ADGRB3: variants seen among roughly 807,000 people sequenced by gnomAD.
The protein encoded by ADGRB3 is brain-specific angiogenesis inhibitor 3.
Under a neutral mutation model 193.4 loss-of-function variants are expected in ADGRB3, and 37 were observed. The ratio of observed to expected loss-of-function variants is 0.19; its 90% CI spans 0.15 to 0.25. ADGRB3 has a LOEUF of 0.25. Among genes scored for constraint, ADGRB3 ranks in the 10% least tolerant of loss-of-function variants. The pLI is 1.00. For missense variants in ADGRB3, 1,637 were observed against 1,852.9 expected (o/e 0.88, Z 2.14); for synonymous variants, 690 against 644.2 (o/e 1.07, Z -1.08).
At chr6:69,358,867 C>T (rs1011676844) in intron 28 of ADGRB3, among the ~76,000 whole-genome samples, 3 of 151,772 alleles carry the variant, frequency 2.0e-5, no homozygotes, top group East Asian at 3.9e-4. Flanking sequence ...GCATTTCTCT[C>T]GTATAGAGCA....
intron 24 of ADGRB3, among the ~76,000 whole-genome samples, chr6:69,333,674 G>A (rs1356732440): frequency 4.6e-5 from 7 of 150,864 alleles, no homozygotes; most frequent in Non-Finnish European, 1.5e-5. Flanking sequence ...ATCTGGCCGG[G>A]CACGGTGGCT....
chr6:68,854,843 C>T (rs994023332), intron 3 of ADGRB3, among the ~76,000 whole-genome samples: 4 of 152,214 alleles, frequency 2.6e-5, no homozygotes, highest in African/African-American at 9.6e-5. Flanking sequence ...TGGACCCCAG[C>T]TGCAGACTTC....
At chr6:69,230,039 T>TC (rs1766099321) in intron 17 of ADGRB3, among the ~76,000 whole-genome samples, 3 of 152,086 alleles carry the variant, frequency 2.0e-5, no homozygotes, top group South Asian at 4.1e-4. Context: ...CTAACATGGG[T>TC]GAATGTAGGT....
chr6:69,376,082 CTTTTTTTTTTTTTTT>C (rs58780409), intron 30 of ADGRB3, among the ~76,000 whole-genome samples: 7 of 67,384 alleles, frequency 1.0e-4, no homozygotes, highest in South Asian at 6.2e-4. Flanking sequence ...ATTATGTAGC[CTTTTTTTTTTTTTTT>C]TTTTTTTTTT....
chr6:68,917,713 A>G (rs150025035), intron 3 of ADGRB3, among the ~76,000 whole-genome samples: 86 of 152,214 alleles, frequency 5.6e-4, no homozygotes, highest in African/African-American at 1.9e-3. Flanking sequence ...TTTTGAAACA[A>G]TCTTCACTCT....
chr6:69,360,957 G>C lies in ADGRB3; in HGVS notation c.3684G>C (p.Lys1228Asn), dbSNP rs1216050242. ...RISLNDDEEE[K>N]GTNPEGLSYS... ...CTCTAAATGATGATGAAGAAGAAAAGGGAACAAACCCTGAAGGGCTAAGCT... is the reference window on the plus strand; with the variant it reads ...CTCTAAATGATGATGAAGAAGAAAACGGAACAAACCCTGAAGGGCTAAGCT... The change falls in exon 29 of 32, where the codon AAG becomes AAC. Residue 1228 changes from lysine (K) to asparagine (N), a missense_variant. Transcript: ENST00000370598. 6.2e-7 allele frequency: 1 copy of C among 1,612,446 alleles called. No individual in the cohort carries two copies. Among genetic ancestry groups the C allele is most frequent in the Non-Finnish European group, 8.5e-7 (1 of 1,179,088 alleles).
chr6:68,913,020 C>T (rs2150238269), intron 3 of ADGRB3, among the ~76,000 whole-genome samples: 1 of 152,324 alleles, frequency 6.6e-6, no homozygotes, highest in Non-Finnish European at 1.5e-5. Context: ...GGGGCACCTG[C>T]CATTGCCCAG....
At chr6:69,375,367 TC>T (rs1226760611) in intron 30 of ADGRB3, among the ~76,000 whole-genome samples, 1 of 152,034 alleles carries the variant, frequency 6.6e-6, no homozygotes, top group Non-Finnish European at 1.5e-5. Flanking sequence ...AAAGTCCACT[TC>T]CTGGAGGTGG....
intron 3 of ADGRB3, among the ~76,000 whole-genome samples, chr6:68,715,337 G>A (rs1181080206): frequency 6.6e-6 from 1 of 151,536 alleles, no homozygotes; most frequent in Non-Finnish European, 1.5e-5. Context: ...AGGGGCTTGT[G>A]AAGAAGGTTT....
intron 3 of ADGRB3, among the ~76,000 whole-genome samples, chr6:68,721,897 G>A (rs866406879): frequency 6.0e-5 from 9 of 151,028 alleles, no homozygotes; most frequent in African/African-American, 1.5e-4. Context: ...TGTGGATTAA[G>A]CATCTTTTTA....
At chr6:68,843,048 C>CAAAA (rs746757153) in intron 3 of ADGRB3, among the ~76,000 whole-genome samples, 1 of 88,110 alleles carries the variant, frequency 1.1e-5, no homozygotes, top group Admixed American at 1.1e-4. Flanking sequence ...CCATATACAA[C>CAAAA]AACAAAAAAA....
rs577817999 is a variant in ADGRB3 at position 68,774,425 on chromosome 6, A to G, written c.757+134993A>G. ...ATGAAATTCCTAAAGTTTTCACGGT[A>G]TTTTCTAATAATGGTCTTCTTGGAG... On this transcript the variant is annotated intron_variant, in intron 3 of 31. Transcript: ENST00000370598. 9.4e-5 allele frequency among the ~76,000 whole-genome samples: 12 copies of G among 128,312 alleles called. No individual in the cohort carries two copies. The South Asian group carries it at 2.7e-3, about 29-fold the overall frequency. 84.2% of individuals were successfully genotyped at this position (128,312 alleles called of 152,430 possible).
intron 17 of ADGRB3, among the ~76,000 whole-genome samples, chr6:69,193,084 A>G (rs1392319442): frequency 6.6e-6 from 1 of 151,970 alleles, no homozygotes; most frequent in Non-Finnish European, 1.5e-5. Flanking sequence ...TTTTGCTTTT[A>G]AATCAAGGTT....
At chr6:69,064,673 T>C (rs1582433912) in intron 16 of ADGRB3, among the ~76,000 whole-genome samples, 2 of 152,218 alleles carry the variant, frequency 1.3e-5, no homozygotes, top group African/African-American at 2.4e-5. Context: ...GATTATAGAA[T>C]TACTGAAGAA....
At chr6:69,354,710 G>A (rs1769300327) in intron 27 of ADGRB3, among the ~76,000 whole-genome samples, 1 of 152,192 alleles carries the variant, frequency 6.6e-6, no homozygotes, top group African/African-American at 2.4e-5. Flanking sequence ...GGAATCATCA[G>A]GGGAGCTACA....
chr6:68,678,949 T>C (rs1211491800), intron 3 of ADGRB3, among the ~76,000 whole-genome samples: 4 of 152,210 alleles, frequency 2.6e-5, no homozygotes, highest in Non-Finnish European at 5.9e-5. Flanking sequence ...TTACCTGACA[T>C]GTTTTGAAGT....
intron 17 of ADGRB3, among the ~76,000 whole-genome samples, chr6:69,083,893 G>A (rs938030081): frequency 6.6e-6 from 1 of 150,694 alleles, no homozygotes; most frequent in Non-Finnish European, 1.5e-5. Context: ...TCCTGCCTCA[G>A]CCTCCTGATT....
chr6:68,790,284 A>AGTTAGTT (rs534191291), intron 3 of ADGRB3, among the ~76,000 whole-genome samples: 65 of 152,220 alleles, frequency 4.3e-4, no homozygotes, highest in African/African-American at 1.5e-3. Flanking sequence ...GCCATTGTTG[A>AGTTAGTT]GTTAGTTGTT....
intron 3 of ADGRB3, among the ~76,000 whole-genome samples, chr6:68,692,622 A>T (rs973422449): frequency 1.1e-4 from 17 of 151,882 alleles, no homozygotes; most frequent in African/African-American, 4.1e-4. Context: ...CACATTTACT[A>T]GCAATGTTCA....
Sources: allele counts gnomAD v4.1 joint callset (sites outside exome capture counted in the v4.1 genomes callset), GRCh38; gene constraint gnomAD v4.1.1; transcripts MANE v1.5; gene names NCBI Gene and HGNC (gene_info 2026-07-23, HGNC 2026-07-21).